Variants in UROC1 observed in about 807,000 individuals in gnomAD.
UROC1 encodes urocanate hydratase.
Under a neutral mutation model 89.5 loss-of-function variants are expected in UROC1, and 79 were observed. That is an observed-to-expected ratio of 0.88 (90% CI 0.74 to 1.06). UROC1 has a LOEUF of 1.06. UROC1 is among the 50% of genes least tolerant of loss of function. The pLI, the probability that UROC1 is intolerant of heterozygous loss-of-function variation, is 0.00. For missense variants in UROC1, 885 were observed against 907.8 expected, an observed-to-expected ratio of 0.97 and a Z score of 0.32; for synonymous variants, 361 against 354.8, an observed-to-expected ratio of 1.02 and a Z score of -0.20.
intron 18 of UROC1, among the ~76,000 whole-genome samples, chr3:126,486,223 T>C (rs1576709355): frequency 6.6e-6 from 1 of 152,200 alleles, no homozygotes; most frequent in East Asian, 1.9e-4. Flanking sequence ...GCTGCCCGAG[T>C]GGGCCCTCGG....
In UROC1 at chr3:126,482,432, C is replaced by G; in HGVS notation, c.1944G>C (p.Gln648His). 2 of 1,614,070 alleles carry G rather than the reference C, an allele frequency of 1.2e-6. No homozygotes were observed. The highest frequency in any genetic ancestry group is 1.7e-6 in the Non-Finnish European group (2 of 1,180,014). Reference protein sequence around the residue: ...GNQKAYEIICQTMQENSTLVV... With the variant: ...GNQKAYEIICHTMQENSTLVV... ...CCAAGGTGCTGTTCTCCTGCATGGT[C>G]TGGCAGATGATCTCATAGGCCTTCT... Residue 648 changes from glutamine to histidine, a missense_variant, in exon 20 of 20, where the codon CAG (glutamine) becomes CAC (histidine). By Grantham distance (24) the Gln-to-His change is conservative. Coordinates refer to ENST00000290868, the MANE Select transcript of UROC1 (RefSeq NM_144639.3).
At chr3:126,501,013 C>T (rs1935907487) in intron 10 of UROC1, 139 bp from the exon 11 acceptor site, 9 of 1,367,516 alleles carry the variant, frequency 6.6e-6, no homozygotes, top group Non-Finnish European at 9.3e-6. Flanking sequence ...CTGCTTTCCC[C>T]CTGGAAAGAG....
chr3:126,507,993 G>A lies in UROC1; in HGVS notation c.514C>T (p.Pro172Ser). 6.2e-7 allele frequency: 1 copy of A among 1,614,000 alleles called. No homozygotes were observed. The highest frequency in any genetic ancestry group is 8.5e-7 in the Non-Finnish European group (1 of 1,180,032). ...LGLFPSSRSAPRLVITNGMVI... is the reference protein window; with the variant it reads ...LGLFPSSRSASRLVITNGMVI... Reference sequence around the variant, plus strand: ...ATCCCATTGGTGATGACGAGCCGTGGGGCACTGCGGCTGCTGGGAAAGAGG... The same window carrying A: ...ATCCCATTGGTGATGACGAGCCGTGAGGCACTGCGGCTGCTGGGAAAGAGG... The change falls in exon 5 of 20, where the codon CCA becomes TCA. Residue 172 changes from proline to serine, a missense_variant. Pro to Ser is a moderately conservative substitution (Grantham distance 74). Transcript: ENST00000290868.
chr3:126,501,360 C>A (rs1376614684), intron 9 of UROC1, 80 bp from the exon 10 acceptor site: 1 of 1,554,636 alleles, frequency 6.4e-7, no homozygotes, highest in African/African-American at 1.4e-5. Flanking sequence ...CCCAGCTGCA[C>A]ACAGGGGCAG....
At chr3:126,489,214 C>A (rs1935587528) in intron 17 of UROC1, 62 bp downstream of exon 17, 11 of 1,458,072 alleles carry the variant, frequency 7.5e-6, no homozygotes, top group Non-Finnish European at 1.1e-5. Flanking sequence ...TGACTAAATG[C>A]ATCAATTTTT....
intron 16 of UROC1, 33 bp downstream of exon 16, chr3:126,492,385 G>C (rs1338964081): frequency 1.3e-6 from 2 of 1,594,066 alleles, no homozygotes; most frequent in South Asian, 2.2e-5. Flanking sequence ...AAGAGGCTGA[G>C]GGATGCTTCC....
rs372811820 is a variant in UROC1, at chr3:126,498,112, C to G, written c.1377G>C (p.Gln459His). ...FRWVCTSGDP[Q>H]DLAVTDELAT... ...CCAGTTCGTCTGTGACCGCCAGGTCCTGGGGGTCCCCCGATGTGCACACCC... is the reference window on the plus strand; with the variant it reads ...CCAGTTCGTCTGTGACCGCCAGGTCGTGGGGGTCCCCCGATGTGCACACCC... Residue 459 changes from glutamine to histidine, a missense_variant, in exon 14 of 20, where the codon CAG becomes CAC. Physicochemically the swap from Gln to His is conservative, Grantham distance 24. Coordinates refer to ENST00000290868, the MANE Select transcript of UROC1 (RefSeq NM_144639.3). 6.2e-7 allele frequency: 1 copy of G among 1,614,186 alleles called. No individual in the cohort carries two copies. Among genetic ancestry groups the G allele is most frequent in the South Asian group, 1.1e-5 (1 of 91,090 alleles).
At chr3:126,492,141 G>A (rs1935669407) in intron 16 of UROC1, among the ~76,000 whole-genome samples, 1 of 151,780 alleles carries the variant, frequency 6.6e-6, no homozygotes. Context: ...CTCCCCAGCA[G>A]AGCCCTACTA....
chr3:126,510,853 GC>G, intron 1 of UROC1, 59 bp from the exon 2 acceptor site: 1 of 1,591,338 alleles, frequency 6.3e-7, no homozygotes, highest in Non-Finnish European at 8.5e-7. Flanking sequence ...GTGTTCTGAG[GC>G]CCCGCGATGG....
intron 8 of UROC1, among the ~76,000 whole-genome samples, chr3:126,505,494 G>C (rs559910597): frequency 6.6e-6 from 1 of 152,290 alleles, no homozygotes; most frequent in African/African-American, 2.4e-5. Context: ...GCAGGGTGAT[G>C]GGCACTTTGA....
intron 19 of UROC1, among the ~76,000 whole-genome samples, chr3:126,483,119 A>C (rs1049481879): frequency 1.8e-4 from 28 of 151,998 alleles, no homozygotes; most frequent in East Asian, 1.2e-3. Context: ...TCAGTCACCC[A>C]AGCTGTCTGA....
chr3:126,506,387 CA>C (rs1273496799), intron 6 of UROC1, among the ~76,000 whole-genome samples: 3 of 152,168 alleles, frequency 2.0e-5, no homozygotes, highest in African/African-American at 7.2e-5. Flanking sequence ...GCACAAGGGC[CA>C]AGACCTGAAG....
At chr3:126,509,718 C>A (rs1936154709) in intron 2 of UROC1, 40 bp from the exon 3 acceptor site, 1 of 1,529,148 alleles carries the variant, frequency 6.5e-7, no homozygotes, top group South Asian at 1.2e-5. Context: ...CCCTTCCCGC[C>A]AAAGCACAGC....
intron 16 of UROC1, among the ~76,000 whole-genome samples, chr3:126,490,316 C>A (rs934114210): frequency 2.0e-5 from 3 of 152,170 alleles, no homozygotes; most frequent in Non-Finnish European, 2.9e-5. Flanking sequence ...GTGGTACAGC[C>A]CTGGAAGTCA....
rs1936119800 is a variant in UROC1, at chr3:126,508,430, T to C, written c.397A>G (p.Ser133Gly). 1.2e-6 allele frequency: 2 copies of C among 1,613,802 alleles called. No individual in the cohort carries two copies. The highest frequency in any genetic ancestry group is 2.2e-5 in the South Asian group (2 of 91,058). Reference sequence around the variant, plus strand: ...GTGTGCAGTACCTGAGCCCAGTTGCTGAACACCTGCCCATTTCCTCCATAG... The same window carrying C: ...GTGTGCAGTACCTGAGCCCAGTTGCCGAACACCTGCCCATTTCCTCCATAG... Reference protein sequence around the residue: ...VTYGGNGQVFSNWAQFWLTMF... With the variant: ...VTYGGNGQVFGNWAQFWLTMF... The change falls in exon 4 of 20, where the codon AGC becomes GGC. Residue 133 changes from serine to glycine, a missense_variant. Ser to Gly is a moderately conservative substitution (Grantham distance 56). Coordinates refer to ENST00000290868, the MANE Select transcript of UROC1 (RefSeq NM_144639.3).
chr3:126,490,514 G>A (rs1171448294), intron 16 of UROC1, among the ~76,000 whole-genome samples: 4 of 152,056 alleles, frequency 2.6e-5, no homozygotes, highest in Admixed American at 6.6e-5. Context: ...GGCAAAACCC[G>A]TCTCCACTAA....
At chr3:126,492,379 G>A (rs1323883842) in intron 16 of UROC1, 39 bp downstream of exon 16, 23 of 1,576,340 alleles carry the variant, frequency 1.5e-5, no homozygotes, top group Non-Finnish European at 2.0e-5. Context: ...AGTGGGAAGA[G>A]GCTGAGGGAT....
At chr3:126,498,773 C>T (rs937526705) in intron 13 of UROC1, among the ~76,000 whole-genome samples, 4 of 152,166 alleles carry the variant, frequency 2.6e-5, no homozygotes, top group Admixed American at 6.5e-5. Context: ...ATCTCTCTCT[C>T]GTCCCATGTG....
rs753631603 is a variant in UROC1, at chr3:126,507,712, C to T, written c.602+30G>A. 3.0e-5 allele frequency: 48 copies of T among 1,610,752 alleles called. 1 individual carries two copies. In the African/African-American group the frequency reaches 4.1e-4, roughly 14 times the overall value. On this transcript the variant is annotated intron_variant, in intron 6 of 19. Coordinates refer to ENST00000290868, the MANE Select transcript of UROC1 (RefSeq NM_144639.3). ...ATGACCCATGGCTAACGGGGAAACA[C>T]GGTGTAAACAGACTGAAATAGTGAC...
Sources: gnomAD v4.1 joint callset for allele counts (sites outside exome capture counted in the v4.1 genomes callset) on GRCh38, gnomAD v4.1.1 for gene constraint, MANE v1.5 for transcripts, NCBI Gene and HGNC (gene_info 2026-07-23, HGNC 2026-07-21) for gene names.